GNA12: variants seen among roughly 807,000 people sequenced by gnomAD.
The protein encoded by GNA12 is G protein subunit alpha 12, also known as guanine nucleotide-binding protein subunit alpha-12.
GNA12 carries 9 observed loss-of-function variants against 26.0 expected under a neutral mutation model. The observed-to-expected ratio is 0.35, with a 90% CI of 0.21 to 0.60. The LOEUF (loss-of-function observed/expected upper bound fraction) is 0.60. GNA12 is among the 20% of genes least tolerant of loss of function. The pLI is 0.78. For missense variants in GNA12, 405 were observed against 525.8 expected (o/e 0.77, Z 2.25); for synonymous variants, 264 against 219.6 (o/e 1.20, Z -1.79).
rs748113158 is a variant in GNA12 at position 2,780,048 on chromosome 7, G to GTGTGTATA, written c.525+14879_525+14880insTATACACA. Among the ~76,000 whole-genome samples the GTGTGTATA allele has an allele frequency of 1.8e-4, 15 of 84,732 alleles. 1 individual carries two copies. In the South Asian group the frequency reaches 1.8e-3, roughly 10 times the overall value. The allele number at this position is 84,732 out of a possible 152,430, so 55.6% of individuals were successfully genotyped here. On this transcript the variant is annotated intron_variant, in intron 2 of 3. Coordinates refer to ENST00000275364, the MANE Select transcript of GNA12 (RefSeq NM_007353.3). ...GTACTAGTTTTTTACACATTTCTGT[G>GTGTGTATA]TACATATATATATATATATATATAT... is the stretch of plus-strand genomic sequence containing the variant.
intron 2 of GNA12, chr7:2,763,102 G>A (rs1266460662): frequency 1.1e-4 from 132 of 1,247,310 alleles, no homozygotes; most frequent in Non-Finnish European, 1.3e-4. Flanking sequence ...ACCACAAGCA[G>A]CCTCTGAAGT....
chr7:2,823,798 T>G (rs1222791484), intron 1 of GNA12, among the ~76,000 whole-genome samples: 1 of 152,190 alleles, frequency 6.6e-6, no homozygotes, highest in Non-Finnish European at 1.5e-5. Context: ...GTAAACTTCA[T>G]AGAATAAAGA....
At chr7:2,790,914 C>T (rs752925732) in intron 2 of GNA12, among the ~76,000 whole-genome samples, 1 of 150,264 alleles carries the variant, frequency 6.7e-6, no homozygotes, top group Non-Finnish European at 1.5e-5. Context: ...ATCCAGGCTG[C>T]AGTGAGCTAT....
At chr7:2,802,397 G>C (rs994355768) in intron 1 of GNA12, among the ~76,000 whole-genome samples, 1 of 93,602 alleles carries the variant, frequency 1.1e-5, no homozygotes, top group Non-Finnish European at 1.9e-5. Flanking sequence ...TTTTTTTGGG[G>C]GGGTGGGGGG....
At chr7:2,749,564 TGAC>T (rs1257722583) in intron 2 of GNA12, among the ~76,000 whole-genome samples, 1 of 151,704 alleles carries the variant, frequency 6.6e-6, no homozygotes, top group Non-Finnish European at 1.5e-5. Flanking sequence ...TAATGCTAAA[TGAC>T]GAGTTAATGG....
intron 2 of GNA12, among the ~76,000 whole-genome samples, chr7:2,783,839 C>T (rs1270870501): frequency 1.3e-5 from 2 of 151,914 alleles, no homozygotes; most frequent in Non-Finnish European, 2.9e-5. Flanking sequence ...CACCCACCAC[C>T]ATGTCTGGCT....
intron 1 of GNA12, chr7:2,814,404 T>G: frequency 6.8e-7 from 1 of 1,472,910 alleles, no homozygotes. Context: ...AAGTCAACAT[T>G]TAAGAATTCC....
chr7:2,731,993 G>A lies in GNA12; in HGVS notation c.577-243C>T, dbSNP rs749190160. 3.3e-5 allele frequency among the ~76,000 whole-genome samples: 5 copies of A among 152,194 alleles called. No homozygotes were observed. Among genetic ancestry groups the A allele is most frequent in the South Asian group, 2.1e-4 (1 of 4,832 alleles). ...CTGAGGACGAATGCTCAGAACACTC[G>A]TGGGCAGGCCCAGCGCAAAACCACA... On this transcript the variant is annotated intron_variant, in intron 3 of 3. Transcript: ENST00000275364. This position sits in a 1 kb window ranked among gnomAD's most constrained non-coding sequence, Gnocchi z 6.0.
chr7:2,788,569 C>G (rs1792425920), intron 2 of GNA12, among the ~76,000 whole-genome samples: 1 of 152,206 alleles, frequency 6.6e-6, no homozygotes, highest in Non-Finnish European at 1.5e-5. Context: ...TAAGTAGTTC[C>G]ACTTATTCAG....
intron 2 of GNA12, chr7:2,762,804 G>T: frequency 6.5e-7 from 1 of 1,531,678 alleles, no homozygotes; most frequent in Non-Finnish European, 8.8e-7. Context: ...GGAGCACTCA[G>T]GGCGGCCTCC....
Position 2,795,291 on chromosome 7 carries a change from T to G in GNA12, c.310-148A>C. 4.6e-6 allele frequency: 3 copies of G among 652,946 alleles called. No homozygotes were observed. The South Asian group carries it at 5.6e-5, about 12-fold the overall frequency. 40.4% of individuals were successfully genotyped at this position (652,946 alleles called of 1,614,324 possible). ...GCCTGAGTCTGTCTCTTGGTTTGTT[T>G]GTTGTGATGTGGAAAGTCTTAACTC... On this transcript the variant is annotated intron_variant, in intron 1 of 3. Transcript: ENST00000275364.
At chr7:2,834,869 G>A (rs138017397) in intron 1 of GNA12, among the ~76,000 whole-genome samples, 146 of 152,106 alleles carry the variant, frequency 9.6e-4, no homozygotes, top group Non-Finnish European at 1.6e-3. Flanking sequence ...GTTTGTGTAG[G>A]TCCACTCTAG....
chr7:2,740,502 C>A (rs1197341794), intron 2 of GNA12, among the ~76,000 whole-genome samples: 1 of 152,202 alleles, frequency 6.6e-6, no homozygotes, highest in African/African-American at 2.4e-5. Context: ...CCTCAATTTC[C>A]AATCTCCAGA....
At chr7:2,788,455 C>T (rs1031397295) in intron 2 of GNA12, among the ~76,000 whole-genome samples, 14 of 152,192 alleles carry the variant, frequency 9.2e-5, no homozygotes, top group Non-Finnish European at 1.3e-4. Flanking sequence ...AGGACAGGAG[C>T]GCACACTCTG....
intron 1 of GNA12, among the ~76,000 whole-genome samples, chr7:2,830,998 T>C (rs1793593282): frequency 6.6e-6 from 1 of 151,996 alleles, no homozygotes; most frequent in South Asian, 2.1e-4. Flanking sequence ...AGAGAAGGTA[T>C]CAAGGTATCA....
chr7:2,735,012 C>T (rs924770883), intron 2 of GNA12, among the ~76,000 whole-genome samples: 4 of 152,190 alleles, frequency 2.6e-5, no homozygotes, highest in East Asian at 1.9e-4. Context: ...GTGGGGCAGC[C>T]GCCTTCCCGT....
At chr7:2,740,536 T>G (rs1790447154) in intron 2 of GNA12, among the ~76,000 whole-genome samples, 1 of 152,166 alleles carries the variant, frequency 6.6e-6, no homozygotes, top group South Asian at 2.1e-4. Flanking sequence ...TAATTTCTGT[T>G]GTTTAACCCA....
chr7:2,772,946 T>A (rs1027628526), intron 2 of GNA12, among the ~76,000 whole-genome samples: 1 of 152,172 alleles, frequency 6.6e-6, no homozygotes, highest in African/African-American at 2.4e-5. Context: ...TGGAAGGCTA[T>A]AAAGAAAAAA....
chr7:2,832,966 A>G (rs1778719534), intron 1 of GNA12, among the ~76,000 whole-genome samples: 2 of 152,252 alleles, frequency 1.3e-5, no homozygotes, highest in Non-Finnish European at 2.9e-5. Flanking sequence ...TCTAACGGCT[A>G]ACACAGGATA....
Sources: gnomAD v4.1 joint callset for allele counts (sites outside exome capture counted in the v4.1 genomes callset) on GRCh38, gnomAD v4.1.1 for gene constraint, Gnocchi (gnomAD v3.1) non-coding constraint, MANE v1.5 for transcripts, NCBI Gene and HGNC (gene_info 2026-07-23, HGNC 2026-07-21) for gene names.